Variants in ZNF516 observed in about 807,000 individuals in gnomAD.
The protein encoded by ZNF516 is zinc finger protein 516.
In ZNF516, 19 loss-of-function variants were observed where a neutral mutation model predicts 79.7. That is an observed-to-expected ratio of 0.24 (90% CI 0.17 to 0.35). ZNF516 has a LOEUF of 0.35. ZNF516 is among the 10% of genes least tolerant of loss of function. The probability of loss-of-function intolerance (pLI) is 1.00; values close to 1 mark genes in which losing one functional copy is unlikely to be tolerated. For synonymous variants in ZNF516, 877 were observed against 739.5 expected, an observed-to-expected ratio of 1.19 and a Z score of -3.02; for missense variants, 1,678 against 1,679.5, an observed-to-expected ratio of 1.00 and a Z score of 0.02.
At chr18:76,474,301 T>C (rs1186233994) in intron 1 of ZNF516, among the ~76,000 whole-genome samples, 2 of 152,190 alleles carry the variant, frequency 1.3e-5, no homozygotes, top group Non-Finnish European at 2.9e-5. Context: ...AAATTGGCAA[T>C]AGAACATCAA....
At chr18:76,485,970 A>C (rs1914810551) in intron 1 of ZNF516, among the ~76,000 whole-genome samples, 1 of 151,802 alleles carries the variant, frequency 6.6e-6, no homozygotes, top group Non-Finnish European at 1.5e-5. Flanking sequence ...TCACCAGAAT[A>C]ATCAGGAACT....
At chr18:76,433,428 C>G (rs367915257) in intron 3 of ZNF516, among the ~76,000 whole-genome samples, 1 of 152,224 alleles carries the variant, frequency 6.6e-6, no homozygotes, top group East Asian at 1.9e-4. Flanking sequence ...AAGGCGGATG[C>G]TGGGGACAGA....
chr18:76,484,509 C>T lies in ZNF516; in HGVS notation c.-272+10635G>A, dbSNP rs184136186. Among the ~76,000 whole-genome samples, 28 of 152,296 alleles carry T rather than the reference C, an allele frequency of 1.8e-4. No individual in the cohort carries two copies. In the East Asian group the frequency reaches 4.8e-3, roughly 26 times the overall value. On this transcript the variant is annotated intron_variant, in intron 1 of 6. Coordinates refer to ENST00000443185, the MANE Select transcript of ZNF516 (RefSeq NM_014643.4). The stretch of plus-strand genomic sequence containing the variant: ...AAATGGCGGCCGCCCTAACCCCGCT[C>T]GGGCCAAGAAGGTGCAGTTTCATCA...
At chr18:76,432,507 C>T (rs1444001205) in intron 3 of ZNF516, among the ~76,000 whole-genome samples, 3 of 152,264 alleles carry the variant, frequency 2.0e-5, no homozygotes, top group Non-Finnish European at 1.5e-5. Flanking sequence ...AGAGACCATG[C>T]ACTCAACTGT....
intron 1 of ZNF516, among the ~76,000 whole-genome samples, chr18:76,483,021 C>A (rs919648619): frequency 1.3e-5 from 2 of 152,112 alleles, no homozygotes; most frequent in African/African-American, 4.8e-5. Context: ...AAAAAAAATT[C>A]TGAATTTACT....
intron 1 of ZNF516, among the ~76,000 whole-genome samples, chr18:76,491,893 G>A (rs1915248453): frequency 1.3e-5 from 2 of 152,224 alleles, no homozygotes; most frequent in African/African-American, 4.8e-5. Context: ...ATTGGGGAGG[G>A]GCAGAATTGG....
chr18:76,357,753 T>C lies in ZNF516; in HGVS notation c.*4745A>G, dbSNP rs2074477240. ...TTTTGCTGTCTCATCAGTAAACCAT[T>C]GCAAACCACAGTGCCAGCCCTTGTG... On this transcript the variant is annotated 3_prime_UTR_variant, in exon 7 of 7. Transcript: ENST00000443185. Among the ~76,000 whole-genome samples the C allele has an allele frequency of 6.6e-6, 1 of 152,222 alleles. No homozygotes were observed. The highest frequency in any genetic ancestry group is 2.1e-4 in the South Asian group (1 of 4,832).
chr18:76,446,212 C>T (rs1302940890), intron 2 of ZNF516, among the ~76,000 whole-genome samples: 1 of 152,192 alleles, frequency 6.6e-6, no homozygotes, highest in Non-Finnish European at 1.5e-5. Context: ...GCAAATGCCT[C>T]CTTCTATAAA....
rs183294090 is a variant in ZNF516, at chr18:76,431,247, G to A, written c.1810+9998C>T. Among the ~76,000 whole-genome samples the A allele has an allele frequency of 8.8e-3, 1,326 of 150,796 alleles. 19 individuals are homozygous for A. The highest frequency in any genetic ancestry group is 0.031 in the African/African-American group (1,270 of 40,410). On this transcript the variant is annotated intron_variant, in intron 3 of 6. Coordinates refer to ENST00000443185, the MANE Select transcript of ZNF516 (RefSeq NM_014643.4). ...AAAATTACGAACTTGTGCCAGAGAC[G>A]AGGACACACACACACACACACAAAA...
At chr18:76,398,879 C>T (rs115065214) in intron 3 of ZNF516, among the ~76,000 whole-genome samples, 1,625 of 152,126 alleles carry the variant, frequency 0.011, 32 homozygotes, top group African/African-American at 0.038. Context: ...ATCCAAATTC[C>T]GTGTCTTTTA....
chr18:76,487,478 AAATT>A (rs1172245799), intron 1 of ZNF516, among the ~76,000 whole-genome samples: 1 of 152,234 alleles, frequency 6.6e-6, no homozygotes, highest in African/African-American at 2.4e-5. Context: ...TCAGTTAGAA[AAATT>A]AATTTTAAAA....
chr18:76,445,109 TAGCC>T (rs757417012), intron 2 of ZNF516, among the ~76,000 whole-genome samples: 8 of 151,778 alleles, frequency 5.3e-5, no homozygotes, highest in Non-Finnish European at 1.2e-4. Flanking sequence ...AAACAACAAT[TAGCC>T]AGGCATGATG....
chr18:76,374,198 C>T (rs184089112), intron 4 of ZNF516, among the ~76,000 whole-genome samples: 1 of 152,332 alleles, frequency 6.6e-6, no homozygotes, highest in East Asian at 1.9e-4. Context: ...GAAATACCAT[C>T]TATTCTATCT....
At chr18:76,419,126 C>T (rs762983151) in intron 3 of ZNF516, among the ~76,000 whole-genome samples, 1 of 152,206 alleles carries the variant, frequency 6.6e-6, no homozygotes, top group Non-Finnish European at 1.5e-5. Context: ...CCTCTAAATG[C>T]CAGAAATGGG....
chr18:76,488,239 G>A, intron 1 of ZNF516: 1 of 985,362 alleles, frequency 1.0e-6, no homozygotes, highest in Non-Finnish European at 1.2e-6. Flanking sequence ...CCGCTTCCAA[G>A]GCCCTGTGAG....
chr18:76,412,355 C>G (rs1440748914), intron 3 of ZNF516, among the ~76,000 whole-genome samples: 1 of 152,180 alleles, frequency 6.6e-6, no homozygotes, highest in Non-Finnish European at 1.5e-5. Flanking sequence ...AACCTGAAAA[C>G]AGCCCTGACT....
intron 1 of ZNF516, among the ~76,000 whole-genome samples, chr18:76,473,667 G>A (rs1946580791): frequency 6.6e-6 from 1 of 152,010 alleles, no homozygotes; most frequent in African/African-American, 2.4e-5. Context: ...CAGGCTTGGT[G>A]GTGGGCGCCT....
intron 3 of ZNF516, among the ~76,000 whole-genome samples, chr18:76,409,586 C>G (rs1036251481): frequency 5.3e-5 from 8 of 152,172 alleles, no homozygotes; most frequent in African/African-American, 1.9e-4. Context: ...CTGGTAGGAA[C>G]GATATTAAAG....
chr18:76,373,183 A>G (rs969140340), intron 4 of ZNF516, among the ~76,000 whole-genome samples: 1 of 151,916 alleles, frequency 6.6e-6, no homozygotes, highest in African/African-American at 2.4e-5. Flanking sequence ...GGAAAAAGAA[A>G]AAGAACAGAA....
Sources: allele counts gnomAD v4.1 joint callset (sites outside exome capture counted in the v4.1 genomes callset), GRCh38; gene constraint gnomAD v4.1.1; transcripts MANE v1.5; gene names NCBI Gene and HGNC (gene_info 2026-07-23, HGNC 2026-07-21).